The following TMTC2 variants were observed in gnomAD, a reference collection of about 807,000 sequenced individuals.
TMTC2 encodes protein O-mannosyl-transferase TMTC2.
In TMTC2, 43 loss-of-function variants were observed where a neutral mutation model predicts 82.4. The ratio of observed to expected loss-of-function variants is 0.52; its 90% CI spans 0.41 to 0.67. The LOEUF (loss-of-function observed/expected upper bound fraction) is 0.67. TMTC2 is among the 30% of genes least tolerant of loss of function. TMTC2 has a pLI of 0.00. For missense variants in TMTC2, 919 were observed against 1,012.4 expected (o/e 0.91, Z 1.25); for synonymous variants, 408 against 381.9 (o/e 1.07, Z -0.80).
chr12:82,719,144 A>G (rs1367813824), intron 1 of TMTC2, among the ~76,000 whole-genome samples: 1 of 121,590 alleles, frequency 8.2e-6, no homozygotes, highest in Non-Finnish European at 1.6e-5. Flanking sequence ...CCCAGGCTAG[A>G]GTGCAGAGGC....
chr12:82,966,863 T>C, intron 6 of TMTC2, 56 bp from the exon 7 acceptor site: 1 of 1,265,820 alleles, frequency 7.9e-7, no homozygotes, highest in Non-Finnish European at 1.1e-6. Flanking sequence ...TTATTTTCAG[T>C]GACGATCCCT....
At chr12:82,942,802 A>G (rs1237063592) in intron 4 of TMTC2, among the ~76,000 whole-genome samples, 1 of 152,216 alleles carries the variant, frequency 6.6e-6, no homozygotes, top group East Asian at 1.9e-4. Flanking sequence ...GATTTTATGG[A>G]GAAGCTAGAG....
intron 3 of TMTC2, among the ~76,000 whole-genome samples, chr12:82,899,738 TG>T (rs1198203483): frequency 7.2e-6 from 1 of 139,836 alleles, no homozygotes; most frequent in African/African-American, 2.8e-5. Context: ...TATATATATG[TG>T]GAATATATAT....
At chr12:82,971,780 A>G (rs1286084787) in intron 7 of TMTC2, among the ~76,000 whole-genome samples, 2 of 148,678 alleles carry the variant, frequency 1.3e-5, no homozygotes, top group Admixed American at 6.8e-5. Flanking sequence ...ATTTCAGTCT[A>G]TAATAACTGT....
At chr12:82,916,508 T>C (rs1351774021) in intron 3 of TMTC2, among the ~76,000 whole-genome samples, 1 of 152,030 alleles carries the variant, frequency 6.6e-6, no homozygotes, top group Non-Finnish European at 1.5e-5. Flanking sequence ...AATCGAACAC[T>C]ATGAGTGGTA....
intron 1 of TMTC2, chr12:82,759,280 A>T (rs1876490344): frequency 6.6e-6 from 1 of 152,194 alleles, no homozygotes; most frequent in Non-Finnish European, 1.5e-5. Context: ...AATGTTTTGA[A>T]CCCTGCCCAA....
intron 1 of TMTC2, among the ~76,000 whole-genome samples, chr12:82,709,060 A>T (rs563742822): frequency 4.0e-5 from 6 of 150,160 alleles, no homozygotes; most frequent in African/African-American, 1.5e-4. Context: ...ATAAAATGTC[A>T]GTAACATACT....
chr12:82,869,959 C>T (rs1872090229), intron 2 of TMTC2, among the ~76,000 whole-genome samples: 3 of 152,084 alleles, frequency 2.0e-5, no homozygotes, highest in South Asian at 4.1e-4. Flanking sequence ...CCTCTCCCAA[C>T]CAGGTTGAAT....
intron 11 of TMTC2, among the ~76,000 whole-genome samples, chr12:83,116,084 T>C (rs1884750277): frequency 6.6e-6 from 1 of 152,152 alleles, no homozygotes; most frequent in South Asian, 2.1e-4. Context: ...TTCCCACCCT[T>C]TCCTCCTGAG....
intron 2 of TMTC2, among the ~76,000 whole-genome samples, chr12:82,890,781 G>A (rs541921425): frequency 6.6e-6 from 1 of 152,306 alleles, no homozygotes; most frequent in South Asian, 2.1e-4. Context: ...AACACACAGA[G>A]TCTCTCTTTT....
intron 11 of TMTC2, among the ~76,000 whole-genome samples, chr12:83,106,218 A>G: frequency 6.6e-6 from 1 of 152,204 alleles, no homozygotes; most frequent in East Asian, 1.9e-4. Context: ...AATAGTGACT[A>G]TCTTGGAATT....
Position 83,082,330 on chromosome 12 carries a change from G to A in TMTC2, c.2331+20499G>A, listed in dbSNP as rs561237806. ...AGAAGAACCAGAATTCTGCCAGATGGGTATTTGTGATGTTCTTAGACAAGT... is the reference window on the plus strand; with the variant it reads ...AGAAGAACCAGAATTCTGCCAGATGAGTATTTGTGATGTTCTTAGACAAGT... On this transcript the variant is annotated intron_variant, in intron 11 of 11. Transcript: ENST00000321196. 5.9e-5 allele frequency among the ~76,000 whole-genome samples: 9 copies of A among 152,304 alleles called. No homozygotes were observed. The South Asian group carries it at 1.9e-3, about 32-fold the overall frequency.
chr12:82,888,784 C>G (rs1232827614), intron 2 of TMTC2, among the ~76,000 whole-genome samples: 2 of 152,182 alleles, frequency 1.3e-5, no homozygotes, highest in Non-Finnish European at 2.9e-5. Context: ...TATAGCTTAG[C>G]TCTAGAAGAG....
chr12:82,907,743 A>G (rs747582619), intron 3 of TMTC2, among the ~76,000 whole-genome samples: 2 of 152,330 alleles, frequency 1.3e-5, no homozygotes, highest in African/African-American at 4.8e-5. Context: ...CACGGTTTAT[A>G]TGCTAAAATA....
At chr12:82,906,275 A>G (rs1448539544) in intron 3 of TMTC2, among the ~76,000 whole-genome samples, 1 of 152,164 alleles carries the variant, frequency 6.6e-6, no homozygotes, top group Non-Finnish European at 1.5e-5. Flanking sequence ...GGTGTAACAA[A>G]TTCTATTATT....
At chr12:82,958,781 T>A (rs1190065440) in intron 4 of TMTC2, among the ~76,000 whole-genome samples, 1 of 152,008 alleles carries the variant, frequency 6.6e-6, no homozygotes, top group South Asian at 2.1e-4. Context: ...TAAGAAAAGA[T>A]GCCGACTCTC....
At chr12:82,951,830 C>T (rs1462417440) in intron 4 of TMTC2, among the ~76,000 whole-genome samples, 1 of 152,076 alleles carries the variant, frequency 6.6e-6, no homozygotes, top group Admixed American at 6.6e-5. Flanking sequence ...TCTATTAGTG[C>T]TTTTCTATCC....
rs35975291 is a variant in TMTC2, at chr12:83,002,782, A to ATT, written c.2070+16746_2070+16747dup. Among the ~76,000 whole-genome samples, 301 of 148,114 alleles carry ATT rather than the reference A, an allele frequency of 2.0e-3. 1 individual carries two copies. The highest frequency in any genetic ancestry group is 0.01 in the South Asian group (49 of 4,722). ...TGAGAGTGTGTTTGGTAAGATTTTG[A>ATT]TTTTTTTTTTTAAATTTATTGAGAC... On this transcript the variant is annotated intron_variant, in intron 8 of 11. Transcript: ENST00000321196.
At chr12:82,835,892 A>G (rs895797311) in intron 1 of TMTC2, among the ~76,000 whole-genome samples, 4 of 152,206 alleles carry the variant, frequency 2.6e-5, no homozygotes, top group African/African-American at 9.6e-5. Flanking sequence ...AATGCTGCAC[A>G]TAGCAGAGGC....
Sources: allele counts gnomAD v4.1 joint callset (sites outside exome capture counted in the v4.1 genomes callset), GRCh38; gene constraint gnomAD v4.1.1; transcripts MANE v1.5; gene names NCBI Gene and HGNC (gene_info 2026-07-23, HGNC 2026-07-21).